The following ROBO2 variants were observed in gnomAD, a reference collection of about 807,000 sequenced individuals.
ROBO2 encodes the protein roundabout guidance receptor 2, also known as roundabout homolog 2.
A neutral mutation model predicts 160.8 loss-of-function variants in ROBO2; 53 were observed. That is an observed-to-expected ratio of 0.33 (90% CI 0.26 to 0.41). ROBO2 has a LOEUF of 0.41. ROBO2 is among the 10% of genes least tolerant of loss of function. The pLI is 1.00. For synonymous variants in ROBO2, 664 were observed against 611.7 expected, an observed-to-expected ratio of 1.09 and a Z score of -1.26; for missense variants, 1,577 against 1,722.4, an observed-to-expected ratio of 0.92 and a Z score of 1.49.
chr3:77,148,283 G>A (rs1424006671), intron 2 of ROBO2, among the ~76,000 whole-genome samples: 1 of 152,160 alleles, frequency 6.6e-6, no homozygotes, highest in African/African-American at 2.4e-5. Context: ...ATCGATTAAA[G>A]GGGCTTTAAT....
intron 2 of ROBO2, among the ~76,000 whole-genome samples, chr3:76,697,573 C>T (rs1560397433): frequency 2.0e-5 from 3 of 152,044 alleles, no homozygotes; most frequent in Admixed American, 6.6e-5. Flanking sequence ...CTTGAACCTG[C>T]GATTTCTAGC....
intron 2 of ROBO2, among the ~76,000 whole-genome samples, chr3:76,214,933 T>G (rs1408125412): frequency 6.6e-6 from 1 of 151,954 alleles, no homozygotes; most frequent in Non-Finnish European, 1.5e-5. Context: ...GACTGACACC[T>G]CACATGGCAG....
At chr3:77,122,562 G>C (rs1463244176) in intron 2 of ROBO2, among the ~76,000 whole-genome samples, 1 of 152,180 alleles carries the variant, frequency 6.6e-6, no homozygotes, top group African/African-American at 2.4e-5. Context: ...AATCCACAAA[G>C]TTAGCTAATT....
intron 2 of ROBO2, among the ~76,000 whole-genome samples, chr3:77,219,328 G>C (rs1156936809): frequency 6.6e-6 from 1 of 150,562 alleles, no homozygotes; most frequent in African/African-American, 2.4e-5. Flanking sequence ...CCATCTAGTA[G>C]TTCTCCTTCT....
intron 2 of ROBO2, among the ~76,000 whole-genome samples, chr3:76,389,792 A>T (rs1044232344): frequency 6.6e-6 from 1 of 152,160 alleles, no homozygotes; most frequent in African/African-American, 2.4e-5. Context: ...ATTAAAATTA[A>T]GTTTCATCGA....
In ROBO2 at chr3:76,189,374, G is replaced by T. The variant is rs372006244; in HGVS notation, c.109+251772G>T. Among the ~76,000 whole-genome samples, 48 of 152,218 alleles carry T rather than the reference G, an allele frequency of 3.2e-4. 1 individual carries two copies. The South Asian group carries it at 5.0e-3, about 16-fold the overall frequency. ...TCATTAATGAGGATAAAGAGTAGATGCCTTTGGAAAGTTTCTTCCTCAAGA... is the reference window on the plus strand; with the variant it reads ...TCATTAATGAGGATAAAGAGTAGATTCCTTTGGAAAGTTTCTTCCTCAAGA... On this transcript the variant is annotated intron_variant, in intron 2 of 26. Transcript: ENST00000487694.
In ROBO2 at chr3:77,180,940, T is replaced by G. The variant is rs183738453; in HGVS notation, c.388+82600T>G. Among the ~76,000 whole-genome samples the G allele has an allele frequency of 9.9e-5, 15 of 151,946 alleles. No individual in the cohort carries two copies. The East Asian group carries it at 2.7e-3, about 28-fold the overall frequency. Reference sequence around the variant, plus strand: ...AAGCAAAATGATTTTTGAAAAAGAGTTACTTCTGGACCAGATCCAACCTAG... The same window carrying G: ...AAGCAAAATGATTTTTGAAAAAGAGGTACTTCTGGACCAGATCCAACCTAG... On this transcript the variant is annotated intron_variant, in intron 2 of 25. Transcript: ENST00000461745.
chr3:76,899,229 AT>A (rs1005587312), intron 2 of ROBO2, among the ~76,000 whole-genome samples: 14 of 151,930 alleles, frequency 9.2e-5, no homozygotes, highest in South Asian at 2.1e-4. Context: ...CCTGTTCACA[AT>A]TTTTTTTCAA....
intron 2 of ROBO2, among the ~76,000 whole-genome samples, chr3:76,264,897 C>G (rs1312212845): frequency 6.6e-6 from 1 of 152,144 alleles, no homozygotes; most frequent in Admixed American, 6.6e-5. Flanking sequence ...ACCTCACTTG[C>G]CTTACAAAAT....
At chr3:76,329,114 C>G (rs922533538) in intron 2 of ROBO2, among the ~76,000 whole-genome samples, 3 of 151,878 alleles carry the variant, frequency 2.0e-5, no homozygotes, top group African/African-American at 7.3e-5. Flanking sequence ...GGAAGCAGCT[C>G]GTGGATGTGA....
intron 2 of ROBO2, among the ~76,000 whole-genome samples, chr3:76,807,554 A>C (rs1046163483): frequency 1.3e-5 from 2 of 152,014 alleles, no homozygotes; most frequent in East Asian, 3.9e-4. Context: ...TTACCTCATC[A>C]TCTTTTAGGT....
intron 2 of ROBO2, among the ~76,000 whole-genome samples, chr3:77,136,229 C>T (rs1328998665): frequency 6.6e-6 from 1 of 152,046 alleles, no homozygotes; most frequent in Non-Finnish European, 1.5e-5. Context: ...ATTAAGGAGA[C>T]ATTGAAAGTA....
intron 2 of ROBO2, among the ~76,000 whole-genome samples, chr3:76,983,598 T>C (rs1439248984): frequency 6.6e-6 from 1 of 152,196 alleles, no homozygotes; most frequent in Admixed American, 6.5e-5. Context: ...CTAAAGAACC[T>C]ACAAGGACAA....
chr3:76,819,139 T>C (rs990168668), intron 2 of ROBO2, among the ~76,000 whole-genome samples: 2 of 152,032 alleles, frequency 1.3e-5, no homozygotes, highest in Non-Finnish European at 2.9e-5. Context: ...CACAGCCCAA[T>C]AGATAAACAA....
chr3:77,322,411 T>C (rs898640314), intron 2 of ROBO2, among the ~76,000 whole-genome samples: 4 of 152,166 alleles, frequency 2.6e-5, no homozygotes, highest in African/African-American at 7.2e-5. Flanking sequence ...TCAAAAGTTC[T>C]AGTTGCATTC....
intron 2 of ROBO2, among the ~76,000 whole-genome samples, chr3:77,283,618 A>G (rs548025660): frequency 6.6e-6 from 1 of 152,284 alleles, no homozygotes; most frequent in South Asian, 2.1e-4. Context: ...AGGCTTTTGA[A>G]CATACCTAAC....
chr3:76,018,382 A>G (rs1337354606), intron 2 of ROBO2, among the ~76,000 whole-genome samples: 1 of 151,966 alleles, frequency 6.6e-6, no homozygotes, highest in Admixed American at 6.6e-5. Flanking sequence ...AGTATATAAG[A>G]ATTAGCCTTT....
rs145509354 is a variant in ROBO2, at chr3:75,926,348, A to T, written c.-13-11133A>T. 3.9e-5 allele frequency among the ~76,000 whole-genome samples: 6 copies of T among 152,314 alleles called. No homozygotes were observed. The East Asian group carries it at 7.7e-4, about 20-fold the overall frequency. On this transcript the variant is annotated intron_variant, in intron 1 of 26. Coordinates refer to the ROBO2 transcript ENST00000487694. ...GTATGGTTTATTTAATCACCCAGGT[A>T]TTAAGCCTAATATCCATTAGTTGTT...
intron 2 of ROBO2, among the ~76,000 whole-genome samples, chr3:76,248,664 AAAAAAAAAAG>A (rs1277600584): frequency 8.2e-6 from 1 of 121,468 alleles, no homozygotes; most frequent in Non-Finnish European, 1.8e-5. Context: ...AAAACTTAAA[AAAAAAAAAAG>A]AAATTCTTCC....
Sources: gnomAD v4.1 joint callset for allele counts (sites outside exome capture counted in the v4.1 genomes callset) on GRCh38, gnomAD v4.1.1 for gene constraint, MANE v1.5 for transcripts, NCBI Gene and HGNC (gene_info 2026-07-23, HGNC 2026-07-21) for gene names.